The following TRHDE variants were observed in gnomAD, a reference collection of about 807,000 sequenced individuals.
The protein encoded by TRHDE is thyrotropin-releasing hormone-degrading ectoenzyme.
TRHDE carries 72 observed loss-of-function variants against 125.7 expected under a neutral mutation model. That is an observed-to-expected ratio of 0.57 (90% CI 0.47 to 0.70). The LOEUF (loss-of-function observed/expected upper bound fraction) is 0.70. Ranked by LOEUF, TRHDE falls within the 30% of genes least tolerant of loss-of-function variation. The pLI, the probability that TRHDE is intolerant of heterozygous loss-of-function variation, is 0.00. For missense variants in TRHDE, 1,110 were observed against 1,327.1 expected (o/e 0.84, Z 2.54); for synonymous variants, 509 against 509.1 (o/e 1.00, Z 0.00).
At chr12:72,516,329 G>T (rs1460785756) in intron 6 of TRHDE, among the ~76,000 whole-genome samples, 1 of 152,114 alleles carries the variant, frequency 6.6e-6, no homozygotes, top group Non-Finnish European at 1.5e-5. Context: ...TTGAGCAGTG[G>T]TTTATAGTTC....
chr12:72,441,961 A>G (rs1232901332), intron 3 of TRHDE, among the ~76,000 whole-genome samples: 1 of 151,884 alleles, frequency 6.6e-6, no homozygotes, highest in Non-Finnish European at 1.5e-5. Flanking sequence ...ATTCCTTGTG[A>G]ACACTAAGCA....
At chr12:72,506,518 G>A (rs1878363738) in intron 6 of TRHDE, among the ~76,000 whole-genome samples, 1 of 152,118 alleles carries the variant, frequency 6.6e-6, no homozygotes, top group Non-Finnish European at 1.5e-5. Context: ...TTGGCATGCA[G>A]GCATTTTTAA....
rs1350352671 is a variant in TRHDE at position 72,143,373 on chromosome 12, G to A, written n.279+37621G>A. On this transcript the variant is annotated intron_variant and non_coding_transcript_variant, in intron 2 of 4. Transcript: ENST00000548156. ...TGGCAATTAGGAACTGGCCAGATGAGAGGAGTAGGAGGAAGGAGGGAAAGG... is the reference window on the plus strand; with the variant it reads ...TGGCAATTAGGAACTGGCCAGATGAAAGGAGTAGGAGGAAGGAGGGAAAGG... Among the ~76,000 whole-genome samples, 3 of 152,136 alleles carry A rather than the reference G, an allele frequency of 2.0e-5. No homozygotes were observed. In the East Asian group the frequency reaches 5.8e-4, roughly 29 times the overall value.
chr12:72,463,378 A>T (rs1876217262), intron 3 of TRHDE, among the ~76,000 whole-genome samples: 1 of 152,244 alleles, frequency 6.6e-6, no homozygotes, highest in Non-Finnish European at 1.5e-5. Flanking sequence ...ATGGATGACA[A>T]ATCTAGAATG....
chr12:72,593,160 G>T (rs1871766785), intron 12 of TRHDE, among the ~76,000 whole-genome samples: 1 of 152,066 alleles, frequency 6.6e-6, no homozygotes. Flanking sequence ...TTCATTTTTG[G>T]TTGCCAGTCC....
intron 2 of TRHDE, among the ~76,000 whole-genome samples, chr12:72,183,206 G>A (rs555838573): frequency 6.6e-6 from 1 of 152,188 alleles, no homozygotes; most frequent in South Asian, 2.1e-4. Flanking sequence ...ACTTTATTAT[G>A]TGCTCAACAC....
chr12:72,194,257 C>T (rs1369323730), intron 2 of TRHDE, among the ~76,000 whole-genome samples: 2 of 151,926 alleles, frequency 1.3e-5, no homozygotes, highest in African/African-American at 4.8e-5. Flanking sequence ...AATGAGATAA[C>T]ATATATTTTT....
chr12:72,617,624 G>GTTGA (rs113559964), intron 12 of TRHDE, among the ~76,000 whole-genome samples: 29,228 of 151,892 alleles, frequency 0.19, 6,044 homozygotes, highest in African/African-American at 0.52. Flanking sequence ...TCTGCATTCA[G>GTTGA]TTGATTTGTC....
intron 3 of TRHDE, among the ~76,000 whole-genome samples, chr12:72,407,631 C>G (rs12817038): frequency 1.8e-4 from 27 of 152,086 alleles, no homozygotes; most frequent in Non-Finnish European, 3.4e-4. Flanking sequence ...AAAGATCTAC[C>G]AAGTTAAACT....
At position 72,420,972 on chromosome 12, in the gene TRHDE, AT is replaced by A. The variant is rs1187188525; in HGVS notation, c.1315+42865del. The stretch of plus-strand genomic sequence containing the variant: ...ACAGACTCATTATGGGATTGGTATG[AT>A]TTTTTTTTTTTTTGAGATGGAGTCT... On this transcript the variant is annotated intron_variant, in intron 3 of 18. Coordinates refer to ENST00000261180, the MANE Select transcript of TRHDE (RefSeq NM_013381.3). 4.5e-3 allele frequency among the ~76,000 whole-genome samples: 640 copies of A among 143,104 alleles called. 4 individuals are homozygous for A. Among genetic ancestry groups the A allele is most frequent in the Non-Finnish European group, 5.1e-3 (331 of 64,834 alleles). 93.9% of individuals were successfully genotyped at this position (143,104 alleles called of 152,430 possible). A position where few individuals can be genotyped will look rare whatever the true frequency, so the allele number is the denominator to read the frequency against.
At chr12:72,517,286 G>T (rs1878919998) in intron 6 of TRHDE, among the ~76,000 whole-genome samples, 1 of 150,984 alleles carries the variant, frequency 6.6e-6, no homozygotes, top group South Asian at 2.1e-4. Context: ...GACTCTTTTT[G>T]GTTGGTAAGC....
chr12:72,260,161 A>G (rs1190973535), intron 2 of TRHDE, among the ~76,000 whole-genome samples: 1 of 152,148 alleles, frequency 6.6e-6, no homozygotes, highest in Non-Finnish European at 1.5e-5. Flanking sequence ...ATTTGACATT[A>G]GGTGCTTCTT....
intron 2 of TRHDE, among the ~76,000 whole-genome samples, chr12:72,155,155 C>T (rs1411340654): frequency 1.3e-5 from 2 of 152,196 alleles, no homozygotes; most frequent in Non-Finnish European, 2.9e-5. Flanking sequence ...GATCTTCCAT[C>T]ACTGATACCC....
intron 3 of TRHDE, among the ~76,000 whole-genome samples, chr12:72,393,732 G>A (rs560882054): frequency 7.2e-5 from 11 of 152,098 alleles, no homozygotes; most frequent in Non-Finnish European, 1.3e-4. Flanking sequence ...ATAATGCTGT[G>A]TTATAGTTGA....
rs146754589 is a variant in TRHDE at position 72,333,946 on chromosome 12, G to A, written c.1189-44049G>A. ...TGATGTTTTATGGTCCAGTTATTTA[G>A]GGATTAAAGTCAACCGTTTGATTTT... On this transcript the variant is annotated intron_variant, in intron 2 of 18. Transcript: ENST00000261180. 4.3e-3 allele frequency among the ~76,000 whole-genome samples: 657 copies of A among 151,980 alleles called. 4 individuals carry two copies. The highest frequency in any genetic ancestry group is 0.015 in the African/African-American group (627 of 41,248).
At chr12:72,249,143 A>G (rs1485251782) in intron 2 of TRHDE, among the ~76,000 whole-genome samples, 2 of 152,166 alleles carry the variant, frequency 1.3e-5, no homozygotes, top group Admixed American at 6.5e-5. Context: ...GGTAGGCAAA[A>G]TTTTCATAGA....
At chr12:72,245,244 TGTG>T in intron 2 of TRHDE, among the ~76,000 whole-genome samples, 1 of 98,260 alleles carries the variant, frequency 1.0e-5, no homozygotes, top group African/African-American at 5.1e-5. Flanking sequence ...TTTGTGTGTA[TGTG>T]TGTGTGTGTG....
intron 3 of TRHDE, among the ~76,000 whole-genome samples, chr12:72,429,060 T>G (rs1874312494): frequency 6.6e-6 from 1 of 152,086 alleles, no homozygotes; most frequent in East Asian, 1.9e-4. Context: ...TGGATGAAGC[T>G]GGAAACCATC....
intron 17 of TRHDE, among the ~76,000 whole-genome samples, chr12:72,656,564 C>T (rs1874716262): frequency 6.6e-6 from 1 of 152,104 alleles, no homozygotes; most frequent in South Asian, 2.1e-4. Context: ...ATTTTCCCTT[C>T]CAGTAAGCTA....
Sources: allele counts gnomAD v4.1 joint callset (sites outside exome capture counted in the v4.1 genomes callset), GRCh38; gene constraint gnomAD v4.1.1; transcripts MANE v1.5; gene names NCBI Gene and HGNC (gene_info 2026-07-23, HGNC 2026-07-21).